The following MYO1E variants were observed in gnomAD, a reference collection of about 807,000 sequenced individuals.
MYO1E encodes myosin IE.
A neutral mutation model predicts 151.1 loss-of-function variants in MYO1E; 68 were observed. The ratio of observed to expected loss-of-function variants is 0.45; its 90% CI spans 0.37 to 0.55. The LOEUF is 0.55. Ranked by LOEUF, MYO1E falls within the 20% of genes least tolerant of loss-of-function variation. The pLI is 0.00. For synonymous variants in MYO1E, 601 were observed against 501.7 expected (o/e 1.20, Z -2.64); for missense variants, 1,363 against 1,389.3 (o/e 0.98, Z 0.30).
chr15:59,143,332 T>C (rs1344762124), intron 26 of MYO1E, among the ~76,000 whole-genome samples: 1 of 152,120 alleles, frequency 6.6e-6, no homozygotes, highest in Non-Finnish European at 1.5e-5. Context: ...GACTGTCTGA[T>C]GGCAGCCGGG....
At chr15:59,197,646 C>A (rs776171158) in intron 16 of MYO1E, among the ~76,000 whole-genome samples, 2 of 152,234 alleles carry the variant, frequency 1.3e-5, no homozygotes, top group African/African-American at 4.8e-5. Flanking sequence ...CTTGAACCCA[C>A]GCCCATGGGC....
intron 15 of MYO1E, 138 bp from the exon 16 acceptor site, chr15:59,202,545 G>T: frequency 2.7e-6 from 2 of 749,016 alleles, no homozygotes; most frequent in South Asian, 1.5e-5. Flanking sequence ...GACTCACAGC[G>T]CGGGCCATCA....
chr15:59,312,611 GC>G (rs2080559319), intron 1 of MYO1E, among the ~76,000 whole-genome samples: 2 of 152,118 alleles, frequency 1.3e-5, no homozygotes, highest in African/African-American at 4.8e-5. Flanking sequence ...CGATCCTCCT[GC>G]CTCAGCCTCC....
chr15:59,305,398 T>C (rs1265895918), intron 1 of MYO1E, among the ~76,000 whole-genome samples: 4 of 152,122 alleles, frequency 2.6e-5, no homozygotes, highest in Non-Finnish European at 5.9e-5. Context: ...TTTTGCCATG[T>C]TGCCCAGGCT....
intron 3 of MYO1E, among the ~76,000 whole-genome samples, chr15:59,256,815 T>C (rs2080196445): frequency 6.6e-6 from 1 of 152,176 alleles, no homozygotes; most frequent in African/African-American, 2.4e-5. Flanking sequence ...TTCTAAACTC[T>C]TACATAATTT....
rs398027512 is a variant in MYO1E, at chr15:59,268,720, ATTTTTTTT to A, written c.147+3578_147+3585del. ...GTGATGGGTTCTGGGTGACTTTGGT[ATTTTTTTT>A]TTTTTTTTTTTTTGCTTCACTGCAT... On this transcript the variant is annotated intron_variant, in intron 2 of 27. Transcript: ENST00000288235. Among the ~76,000 whole-genome samples, 4 of 44,916 alleles carry A rather than the reference ATTTTTTTT, an allele frequency of 8.9e-5. 1 individual carries two copies. Among genetic ancestry groups the A allele is most frequent in the East Asian group, 1.3e-3 (2 of 1,500 alleles). The allele number at this position is 44,916 out of a possible 152,430, so 29.5% of individuals were successfully genotyped here. A position where few individuals can be genotyped will look rare whatever the true frequency, so the allele number is the denominator to read the frequency against.
chr15:59,301,424 A>C (rs1316902730), intron 1 of MYO1E, among the ~76,000 whole-genome samples: 3 of 152,226 alleles, frequency 2.0e-5, no homozygotes, highest in Non-Finnish European at 2.9e-5. Flanking sequence ...TGCTGGGAGC[A>C]GGAACATCTC....
chr15:59,239,128 C>T (rs1397631860), intron 4 of MYO1E, among the ~76,000 whole-genome samples: 1 of 151,368 alleles, frequency 6.6e-6, no homozygotes, highest in Non-Finnish European at 1.5e-5. Context: ...ATCTCTTGAA[C>T]CCGGGAGGCA....
At chr15:59,145,669 GTC>G (rs2079437111) in intron 26 of MYO1E, among the ~76,000 whole-genome samples, 2 of 152,208 alleles carry the variant, frequency 1.3e-5, no homozygotes, top group Admixed American at 6.5e-5. Context: ...TGGGATTACA[GTC>G]GTGAGCCACT....
chr15:59,218,602 C>G (rs2140346281), intron 9 of MYO1E, among the ~76,000 whole-genome samples: 1 of 152,086 alleles, frequency 6.6e-6, no homozygotes, highest in African/African-American at 2.4e-5. Flanking sequence ...TGTAGGGTTA[C>G]TAAAGAGAGA....
intron 7 of MYO1E, among the ~76,000 whole-genome samples, chr15:59,226,476 T>C (rs1053452300): frequency 1.2e-4 from 18 of 152,216 alleles, no homozygotes; most frequent in Non-Finnish European, 2.5e-4. Flanking sequence ...ATTAACATCA[T>C]TATATTTTTT....
rs74017740 is a variant in MYO1E at position 59,338,588 on chromosome 15, G to A, written c.3+33910C>T. Among the ~76,000 whole-genome samples the A allele has an allele frequency of 9.0e-3, 1,366 of 152,250 alleles. 21 individuals are homozygous for A. Among genetic ancestry groups the A allele is most frequent in the African/African-American group, 0.031 (1,289 of 41,532 alleles). ...CCAGGACTGTCTCTATGGGCTCTCA[G>A]GAGTATTGGGGCTGGTCTCCAACCA... On this transcript the variant is annotated intron_variant, in intron 1 of 27. Coordinates refer to ENST00000288235, the MANE Select transcript of MYO1E (RefSeq NM_004998.4).
intron 1 of MYO1E, among the ~76,000 whole-genome samples, chr15:59,347,247 G>C (rs868729100): frequency 6.6e-6 from 1 of 152,194 alleles, no homozygotes; most frequent in Admixed American, 6.5e-5. Flanking sequence ...ATTGTGAACC[G>C]AATATACGCA....
intron 1 of MYO1E, among the ~76,000 whole-genome samples, chr15:59,362,145 T>C (rs1218316556): frequency 6.6e-6 from 1 of 152,168 alleles, no homozygotes; most frequent in Non-Finnish European, 1.5e-5. Flanking sequence ...CCTATATTTT[T>C]TAAAATAATA....
At chr15:59,357,747 G>C (rs1232175637) in intron 1 of MYO1E, among the ~76,000 whole-genome samples, 1 of 152,142 alleles carries the variant, frequency 6.6e-6, no homozygotes, top group East Asian at 1.9e-4. Context: ...ACCATACCTT[G>C]CCAAGGAGGT....
chr15:59,305,999 T>C (rs1392500918), intron 1 of MYO1E, among the ~76,000 whole-genome samples: 1 of 152,144 alleles, frequency 6.6e-6, no homozygotes. Flanking sequence ...ATCCAGAATG[T>C]TAAGTGGGAG....
At chr15:59,334,983 C>G (rs766373590) in intron 1 of MYO1E, among the ~76,000 whole-genome samples, 7 of 152,184 alleles carry the variant, frequency 4.6e-5, no homozygotes, top group Non-Finnish European at 8.8e-5. Context: ...AACACATCCA[C>G]CAACTCCTCC....
At chr15:59,261,696 A>G (rs1242090630) in intron 2 of MYO1E, among the ~76,000 whole-genome samples, 187 bp from the exon 3 acceptor site, 1 of 152,208 alleles carries the variant, frequency 6.6e-6, no homozygotes, top group African/African-American at 2.4e-5. Context: ...ATTCCTCCTA[A>G]GGAAGAGTAA....
At chr15:59,185,607 A>G (rs2079691303) in intron 18 of MYO1E, among the ~76,000 whole-genome samples, 1 of 152,190 alleles carries the variant, frequency 6.6e-6, no homozygotes, top group Non-Finnish European at 1.5e-5. Flanking sequence ...CGGGCATGGT[A>G]GCTGATGCCT....
Sources: allele counts gnomAD v4.1 joint callset (sites outside exome capture counted in the v4.1 genomes callset), GRCh38; gene constraint gnomAD v4.1.1; transcripts MANE v1.5; gene names NCBI Gene and HGNC (gene_info 2026-07-23, HGNC 2026-07-21).